The following RSRC1 variants were observed in gnomAD, a reference collection of about 807,000 sequenced individuals.
RSRC1 encodes arginine and serine rich coiled-coil 1.
RSRC1 carries 39 observed loss-of-function variants against 49.1 expected under a neutral mutation model. The observed-to-expected ratio is 0.79, with a 90% CI of 0.61 to 1.04. RSRC1 has a LOEUF of 1.04. Among genes scored for constraint, RSRC1 ranks in the 50% least tolerant of loss-of-function variants. The pLI is 0.00. For missense variants in RSRC1, 388 were observed against 402.4 expected, an observed-to-expected ratio of 0.96 and a Z score of 0.31; for synonymous variants, 143 against 130.8, an observed-to-expected ratio of 1.09 and a Z score of -0.63.
At chr3:158,380,125 T>C (rs905626579) in intron 6 of RSRC1, among the ~76,000 whole-genome samples, 12 of 152,218 alleles carry the variant, frequency 7.9e-5, no homozygotes, top group African/African-American at 2.7e-4. Context: ...TTTTAAAATA[T>C]ACATATTACT....
chr3:158,408,658 A>T (rs1734273412), intron 6 of RSRC1, among the ~76,000 whole-genome samples: 1 of 152,180 alleles, frequency 6.6e-6, no homozygotes, highest in South Asian at 2.1e-4. Context: ...CTATGCAGGG[A>T]CATGGCTGCA....
intron 6 of RSRC1, among the ~76,000 whole-genome samples, chr3:158,405,688 A>C (rs923986706): frequency 6.6e-6 from 1 of 152,140 alleles, no homozygotes; most frequent in Non-Finnish European, 1.5e-5. Flanking sequence ...GCCTTTTCAT[A>C]GATGAGCTAA....
At chr3:158,336,529 AC>A (rs996147565) in intron 5 of RSRC1, 11 of 154,204 alleles carry the variant, frequency 7.1e-5, no homozygotes, top group African/African-American at 2.4e-4. Context: ...TGGAGGTGAC[AC>A]GGTTCATGAG....
intron 1 of RSRC1, among the ~76,000 whole-genome samples, chr3:158,119,901 G>C (rs1439675026): frequency 1.4e-5 from 2 of 143,794 alleles, no homozygotes; most frequent in Non-Finnish European, 3.0e-5. Flanking sequence ...CACTATCTCG[G>C]CTCACTGCAA....
chr3:158,451,538 GCTCT>G (rs1239557420), intron 6 of RSRC1, among the ~76,000 whole-genome samples: 5 of 151,852 alleles, frequency 3.3e-5, no homozygotes, highest in Non-Finnish European at 5.9e-5. Flanking sequence ...CCTGGTTTTT[GCTCT>G]CTATGTTAAA....
intron 4 of RSRC1, among the ~76,000 whole-genome samples, chr3:158,257,532 T>C (rs1180837653): frequency 6.6e-6 from 1 of 152,178 alleles, no homozygotes; most frequent in Non-Finnish European, 1.5e-5. Context: ...GCTGTCTTTT[T>C]AAGTGATGTA....
intron 4 of RSRC1, among the ~76,000 whole-genome samples, chr3:158,230,034 A>G (rs561634040): frequency 6.6e-6 from 1 of 152,190 alleles, no homozygotes; most frequent in Non-Finnish European, 1.5e-5. Flanking sequence ...GATGCGATCT[A>G]GGATCATATA....
chr3:158,228,287 T>A (rs1722634749), intron 4 of RSRC1, among the ~76,000 whole-genome samples: 2 of 152,134 alleles, frequency 1.3e-5, no homozygotes, highest in Middle Eastern at 3.4e-3. Context: ...ACTCAGGGAA[T>A]AAGTAATCTG....
At chr3:158,148,981 A>G (rs1717342878) in intron 3 of RSRC1, among the ~76,000 whole-genome samples, 1 of 152,030 alleles carries the variant, frequency 6.6e-6, no homozygotes, top group Non-Finnish European at 1.5e-5. Context: ...ACGGGGTTTC[A>G]CCATGTTGGT....
intron 7 of RSRC1, among the ~76,000 whole-genome samples, chr3:158,524,689 A>G (rs1006230697): frequency 2.0e-5 from 3 of 152,002 alleles, no homozygotes; most frequent in Middle Eastern, 3.2e-3. Flanking sequence ...GAACTTTTTA[A>G]GACCCCTTAT....
chr3:158,361,411 G>T (rs1014671573), intron 6 of RSRC1, among the ~76,000 whole-genome samples: 1 of 152,146 alleles, frequency 6.6e-6, no homozygotes, highest in African/African-American at 2.4e-5. Flanking sequence ...CTTGGGGCGG[G>T]TCTCAACCAG....
At chr3:158,388,111 T>TTACA (rs1163737822) in intron 6 of RSRC1, among the ~76,000 whole-genome samples, 1 of 152,012 alleles carries the variant, frequency 6.6e-6, no homozygotes, top group Non-Finnish European at 1.5e-5. Flanking sequence ...TTGATCTTTG[T>TTACA]AAGACATTGG....
intron 5 of RSRC1, among the ~76,000 whole-genome samples, chr3:158,311,897 A>G (rs1728150999): frequency 6.6e-6 from 1 of 152,082 alleles, no homozygotes; most frequent in Non-Finnish European, 1.5e-5. Flanking sequence ...AGAGTGGGGA[A>G]ATTTTTTTCT....
intron 3 of RSRC1, among the ~76,000 whole-genome samples, chr3:158,184,749 T>C (rs1262808752): frequency 6.6e-6 from 1 of 152,140 alleles, no homozygotes; most frequent in Non-Finnish European, 1.5e-5. Context: ...TTAAGGATAC[T>C]TCTTAGTAAA....
At chr3:158,259,554 A>G (rs754810104) in intron 4 of RSRC1, among the ~76,000 whole-genome samples, 1 of 152,144 alleles carries the variant, frequency 6.6e-6, no homozygotes, top group Admixed American at 6.5e-5. Flanking sequence ...GGTCTTGTGC[A>G]TGGCCTGCGG....
chr3:158,508,931 A>G (rs1220438973), intron 7 of RSRC1, among the ~76,000 whole-genome samples: 1 of 151,902 alleles, frequency 6.6e-6, no homozygotes, highest in Non-Finnish European at 1.5e-5. Flanking sequence ...ATTTGCAGAT[A>G]TTTTCTCCTG....
chr3:158,326,214 C>T (rs965548583), intron 5 of RSRC1, among the ~76,000 whole-genome samples: 1 of 152,076 alleles, frequency 6.6e-6, no homozygotes, highest in Non-Finnish European at 1.5e-5. Flanking sequence ...AACTGAATAC[C>T]CTTTATTCCT....
chr3:158,460,394 A>G (rs1018915918), intron 6 of RSRC1, among the ~76,000 whole-genome samples: 2 of 151,956 alleles, frequency 1.3e-5, no homozygotes, highest in African/African-American at 4.8e-5. Flanking sequence ...CAACTAGTAG[A>G]TAATTAAGTA....
intron 3 of RSRC1, among the ~76,000 whole-genome samples, chr3:158,198,863 C>G (rs902172043): frequency 7.2e-5 from 11 of 152,206 alleles, no homozygotes; most frequent in African/African-American, 2.6e-4. Context: ...GTTTATGATC[C>G]AATATTCTTC....
Sources: allele counts gnomAD v4.1 joint callset (sites outside exome capture counted in the v4.1 genomes callset), GRCh38; gene constraint gnomAD v4.1.1; transcripts MANE v1.5; gene names NCBI Gene and HGNC (gene_info 2026-07-23, HGNC 2026-07-21).